The following TAFA2 variants were observed in gnomAD, a reference collection of about 807,000 sequenced individuals.
TAFA2 encodes chemokine-like protein TAFA-2.
TAFA2 carries 7 observed loss-of-function variants against 18.8 expected under a neutral mutation model. The ratio of observed to expected loss-of-function variants is 0.37; its 90% confidence interval spans 0.21 to 0.70. The LOEUF is 0.70. Among genes scored for constraint, TAFA2 ranks in the 30% least tolerant of loss-of-function variants. TAFA2 has a pLI of 0.53. For synonymous variants in TAFA2, 60 were observed against 54.2 expected, an observed-to-expected ratio of 1.11 and a Z score of -0.47; for missense variants, 122 against 158.1, an observed-to-expected ratio of 0.77 and a Z score of 1.23.
intron 1 of TAFA2, among the ~76,000 whole-genome samples, chr12:62,208,835 G>T (rs1205391382): frequency 1.3e-5 from 2 of 152,074 alleles, no homozygotes; most frequent in South Asian, 2.1e-4. Context: ...TTTCATAAGG[G>T]TTACCCAGAA....
At chr12:62,118,691 TC>T (rs35024106) in intron 1 of TAFA2, among the ~76,000 whole-genome samples, 33,882 of 152,050 alleles carry the variant, frequency 0.22, 4,140 homozygotes, top group East Asian at 0.37. Flanking sequence ...TTATTATGTT[TC>T]TTTGTGTTTT....
chr12:61,853,463 A>T (rs1565656947), intron 2 of TAFA2, among the ~76,000 whole-genome samples: 1 of 137,244 alleles, frequency 7.3e-6, no homozygotes, highest in African/African-American at 3.7e-5. Context: ...ATGGCGGATT[A>T]AAAAAATGGA....
chr12:62,043,780 C>A (rs1881833384), intron 1 of TAFA2, among the ~76,000 whole-genome samples: 4 of 152,054 alleles, frequency 2.6e-5, no homozygotes, highest in Admixed American at 2.6e-4. Flanking sequence ...ATAGTTTCAT[C>A]CTATGTCAAA....
chr12:61,880,038 T>C, intron 1 of TAFA2: 1 of 712,106 alleles, frequency 1.4e-6, no homozygotes, highest in Non-Finnish European at 2.6e-6. Context: ...CAGTCCCTGA[T>C]CTCGGACACG....
intron 1 of TAFA2, chr12:62,198,500 A>G (rs1396704628): frequency 6.6e-6 from 1 of 152,210 alleles, no homozygotes; most frequent in African/African-American, 2.4e-5. Context: ...GTTCTGCAAG[A>G]TACGGTATTA....
chr12:62,091,339 T>C (rs962472329), intron 1 of TAFA2, among the ~76,000 whole-genome samples: 2 of 152,024 alleles, frequency 1.3e-5, no homozygotes, highest in Non-Finnish European at 2.9e-5. Context: ...ACATGCTTTG[T>C]ATGTAGTAGA....
chr12:62,084,650 C>A (rs375699395), intron 1 of TAFA2, among the ~76,000 whole-genome samples: 13 of 152,044 alleles, frequency 8.6e-5, no homozygotes, highest in African/African-American at 2.9e-4. Flanking sequence ...TATGCTTGGG[C>A]AATCAAAAAC....
upstream of TAFA2, among the ~76,000 whole-genome samples, chr12:62,196,353 CT>C (rs2062649157): frequency 6.6e-6 from 1 of 152,178 alleles, no homozygotes; most frequent in South Asian, 2.1e-4. Context: ...CCTTCTTGAA[CT>C]TTTCCTTTGC....
At position 62,125,475 on chromosome 12, in the gene TAFA2, C is replaced by T. The variant is rs1323670490; in HGVS notation, c.-2+65784G>A. On this transcript the variant is annotated intron_variant, in intron 1 of 4. Coordinates refer to ENST00000416284, the MANE Select transcript of TAFA2 (RefSeq NM_178539.5). ...CAGACGAAGACACTCATCTTACCGT[C>T]GTGAAGAATTTCCTTTCAGAGAGAC... Among the ~76,000 whole-genome samples the T allele has an allele frequency of 2.6e-5, 4 of 152,230 alleles. No homozygotes were observed. The East Asian group carries it at 7.7e-4, about 29-fold the overall frequency.
chr12:62,120,071 AC>A (rs974824398), intron 1 of TAFA2, among the ~76,000 whole-genome samples: 66 of 152,212 alleles, frequency 4.3e-4, no homozygotes, highest in Admixed American at 6.5e-4. Context: ...TCAAAAAAAA[AC>A]ATTAAAAAAA....
At chr12:62,150,189 G>C (rs1381756024) in intron 1 of TAFA2, among the ~76,000 whole-genome samples, 1 of 152,094 alleles carries the variant, frequency 6.6e-6, no homozygotes. Context: ...TAGACGCCAA[G>C]GGCACAAAGA....
At chr12:62,016,747 G>A (rs1334686448) in intron 1 of TAFA2, among the ~76,000 whole-genome samples, 1 of 152,100 alleles carries the variant, frequency 6.6e-6, no homozygotes, top group African/African-American at 2.4e-5. Context: ...CGCCAAGCCA[G>A]TCAAACTGTC....
intron 1 of TAFA2, among the ~76,000 whole-genome samples, chr12:62,124,992 C>A (rs770730076): frequency 2.0e-4 from 31 of 152,032 alleles, no homozygotes; most frequent in Admixed American, 9.2e-4. Flanking sequence ...CCAAGAATTT[C>A]AAAACAGTGA....
rs1325763431 is a variant in TAFA2, at chr12:61,798,937, T to A, written c.107-43913A>T. On this transcript the variant is annotated intron_variant, in intron 2 of 4. Coordinates refer to ENST00000416284, the MANE Select transcript of TAFA2 (RefSeq NM_178539.5). ...GCCAACAATTTTAATTCTCTATTTTTCCTTCACTGGGCCAAGTGCCAATAG... is the reference window on the plus strand; with the variant it reads ...GCCAACAATTTTAATTCTCTATTTTACCTTCACTGGGCCAAGTGCCAATAG... Among the ~76,000 whole-genome samples the A allele has an allele frequency of 2.0e-5, 3 of 152,226 alleles. No homozygotes were observed. The East Asian group carries it at 5.8e-4, about 29-fold the overall frequency.
At chr12:61,873,299 A>AC (rs1261704262) in intron 1 of TAFA2, among the ~76,000 whole-genome samples, 157 of 70,316 alleles carry the variant, frequency 2.2e-3, no homozygotes, top group African/African-American at 0.011. Flanking sequence ...TTATTTATTA[A>AC]TTTTTATTAT....
chr12:62,156,583 A>AAT lies in TAFA2; in HGVS notation c.-2+34674_-2+34675dup, dbSNP rs552112378. ...ATCAACAAGAGGATAAAGAAACTGTAATATATATATAATATATATGATGAA... is the reference window on the plus strand; with the variant it reads ...ATCAACAAGAGGATAAAGAAACTGTAATATATATATATAATATATATGATGAA... On this transcript the variant is annotated intron_variant, in intron 1 of 4. Coordinates refer to ENST00000416284, the MANE Select transcript of TAFA2 (RefSeq NM_178539.5). Among the ~76,000 whole-genome samples the AAT allele has an allele frequency of 5.3e-3, 809 of 152,164 alleles. 9 individuals are homozygous for AAT. The highest frequency in any genetic ancestry group is 0.017 in the African/African-American group (701 of 41,546).
chr12:61,871,776 T>A (rs922049209), intron 1 of TAFA2, among the ~76,000 whole-genome samples: 6 of 152,174 alleles, frequency 3.9e-5, no homozygotes, highest in Non-Finnish European at 4.4e-5. Flanking sequence ...TTTGAAACGC[T>A]TCTCATCCCA....
chr12:61,793,489 A>C (rs1871067553), intron 2 of TAFA2, among the ~76,000 whole-genome samples: 1 of 151,712 alleles, frequency 6.6e-6, no homozygotes, highest in Admixed American at 6.6e-5. Context: ...TAATTTGAGC[A>C]ATTTAGGTGA....
chr12:62,010,836 GC>G (rs1880724474), intron 1 of TAFA2, among the ~76,000 whole-genome samples: 3 of 129,200 alleles, frequency 2.3e-5, no homozygotes, highest in South Asian at 2.6e-4. Flanking sequence ...CTGCCCAGCA[GC>G]CCTTCGTCTG....
Sources: gnomAD v4.1 joint callset for allele counts (sites outside exome capture counted in the v4.1 genomes callset) on GRCh38, gnomAD v4.1.1 for gene constraint, MANE v1.5 for transcripts, NCBI Gene and HGNC (gene_info 2026-07-23, HGNC 2026-07-21) for gene names.